The following TULP4 variants were observed in gnomAD, a reference collection of about 807,000 sequenced individuals.
The protein encoded by TULP4 is TUB like protein 4.
In TULP4, 16 loss-of-function variants were observed where a neutral mutation model predicts 129.0. The ratio of observed to expected loss-of-function variants is 0.12; its 90% CI spans 0.08 to 0.19. The LOEUF (loss-of-function observed/expected upper bound fraction) is 0.19, where lower values mean the gene tolerates loss of function less well. TULP4 is among the 10% of genes least tolerant of loss of function. The pLI is 1.00. For missense variants in TULP4, 1,842 were observed against 2,059.1 expected (o/e 0.89, Z 2.04); for synonymous variants, 998 against 854.0 (o/e 1.17, Z -2.94).
At position 158,511,301 on chromosome 6, in the gene TULP4, T is replaced by A. The variant is rs1780735470; in HGVS notation, c.*4607T>A. 1 of 152,686 alleles carries A rather than the reference T, an allele frequency of 6.5e-6. No individual in the cohort carries two copies. The highest frequency in any genetic ancestry group is 1.5e-5 in the Non-Finnish European group (1 of 68,048). The allele number at this position is 152,686 out of a possible 1,614,324, so 9.5% of individuals were successfully genotyped here. A position where few individuals can be genotyped will look rare whatever the true frequency, so the allele number is the denominator to read the frequency against. On this transcript the variant is annotated 3_prime_UTR_variant, in exon 14 of 14. Coordinates refer to ENST00000367097, the MANE Select transcript of TULP4 (RefSeq NM_020245.5). ...TGTATTATTTACCAAAGGGGTATTG[T>A]TTTTGCATTTGTTTATAAATGCATT...
chr6:158,470,255 G>A (rs1299882241), intron 6 of TULP4, among the ~76,000 whole-genome samples: 2 of 152,228 alleles, frequency 1.3e-5, no homozygotes, highest in African/African-American at 4.8e-5. Flanking sequence ...GCGGCAAACA[G>A]CAGTGGTGGA....
Position 158,509,719 on chromosome 6 carries a change from T to A in TULP4, c.*3025T>A, listed in dbSNP as rs1780691942. 6.6e-6 allele frequency: 1 copy of A among 152,142 alleles called. No homozygotes were observed. Among genetic ancestry groups the A allele is most frequent in the Non-Finnish European group, 1.5e-5 (1 of 68,036 alleles). 9.4% of individuals were successfully genotyped at this position (152,142 alleles called of 1,614,324 possible). ...GAGTTTGTATGAGTTTGTACCGGAG[T>A]GACCCCGGCAGCCACTGCCCACCTC... On this transcript the variant is annotated 3_prime_UTR_variant, in exon 14 of 14. Coordinates refer to ENST00000367097, the MANE Select transcript of TULP4 (RefSeq NM_020245.5).
rs1419158879 is a variant in TULP4 at position 158,379,336 on chromosome 6, T to C, written c.253-33729T>C. On this transcript the variant is annotated intron_variant, in intron 1 of 13. Coordinates refer to ENST00000367097, the MANE Select transcript of TULP4 (RefSeq NM_020245.5). ...TTCTCAAGGGATTGCCCCAACTCTC[T>C]TGAGGTAGGGCCAGTGAGGATTCCA... 2.6e-5 allele frequency among the ~76,000 whole-genome samples: 4 copies of C among 152,126 alleles called. No individual in the cohort carries two copies. In the East Asian group the frequency reaches 5.8e-4, roughly 22 times the overall value.
At position 158,313,052 on chromosome 6, in the gene TULP4, G is replaced by C. The variant is rs938926842; in HGVS notation, c.-965G>C. The C allele has an allele frequency of 6.3e-6, 1 of 157,974 alleles. No individual in the cohort carries two copies. The highest frequency in any genetic ancestry group is 2.4e-5 in the African/African-American group (1 of 41,704). 9.8% of individuals were successfully genotyped at this position (157,974 alleles called of 1,614,324 possible). On this transcript the variant is annotated 5_prime_UTR_variant, in exon 1 of 14. Transcript: ENST00000367097. ...GAAAAGGGGAGTGCTAACTGGGGGA[G>C]CGAGAAGGGAGACGAGCAAAAGAAA...
Position 158,238,233 on chromosome 6 carries a change from G to A in TULP4, n.68+5930G>A, listed in dbSNP as rs1777759573. On this transcript the variant is annotated intron_variant and non_coding_transcript_variant, in intron 1 of 1. Transcript: ENST00000620026. ...TTAATTTCAATTGCATTTTCTTGATGCTGATCTGAAAATTCCTGAAGCAGC... is the reference window on the plus strand; with the variant it reads ...TTAATTTCAATTGCATTTTCTTGATACTGATCTGAAAATTCCTGAAGCAGC... 38 of 952,656 alleles carry A rather than the reference G, an allele frequency of 4.0e-5. 3 individuals are homozygous for A. In the South Asian group the frequency reaches 4.6e-4, roughly 11 times the overall value. The allele number at this position is 952,656 out of a possible 1,614,324, so 59.0% of individuals were successfully genotyped here.
intron 1 of TULP4, among the ~76,000 whole-genome samples, chr6:158,323,043 G>T (rs549882917): frequency 3.4e-4 from 52 of 152,218 alleles, no homozygotes; most frequent in Non-Finnish European, 5.1e-4. Context: ...ATTTCTGAGA[G>T]AGATGAAGGA....
intron 8 of TULP4, 97 bp downstream of exon 8, chr6:158,481,386 A>G (rs1356880806): frequency 8.7e-6 from 10 of 1,147,100 alleles, no homozygotes; most frequent in Non-Finnish European, 1.3e-5. Context: ...TGCTAATGAA[A>G]CGTGAGCCTG....
intron 1 of TULP4, chr6:158,238,262 A>G (rs1294395926): frequency 3.5e-6 from 4 of 1,128,228 alleles, no homozygotes; most frequent in African/African-American, 1.6e-5. Flanking sequence ...AAGCAGCTCT[A>G]TTGCTTTTGT....
At chr6:158,421,235 G>C (rs181651661) in intron 2 of TULP4, among the ~76,000 whole-genome samples, 3 of 152,066 alleles carry the variant, frequency 2.0e-5, no homozygotes, top group Non-Finnish European at 2.9e-5. Context: ...GGTGGCACGC[G>C]CCTGTAGTCC....
At position 158,508,243 on chromosome 6, in the gene TULP4, G is replaced by A. The variant is rs1780648450; in HGVS notation, c.*1549G>A. Reference sequence around the variant, plus strand: ...CAGGCCCCTCTCCTGGGCCTGCTGTGCAGGAGCACAGGAACTATCTGCTGG... The same window carrying A: ...CAGGCCCCTCTCCTGGGCCTGCTGTACAGGAGCACAGGAACTATCTGCTGG... On this transcript the variant is annotated 3_prime_UTR_variant, in exon 14 of 14. Transcript: ENST00000367097. 1 of 152,172 alleles carries A rather than the reference G, an allele frequency of 6.6e-6. No individual in the cohort carries two copies. Among genetic ancestry groups the A allele is most frequent in the African/African-American group, 2.4e-5 (1 of 41,448 alleles). The allele number at this position is 152,172 out of a possible 1,614,324, so 9.4% of individuals were successfully genotyped here.
At position 158,260,857 on chromosome 6, in the gene TULP4, G is replaced by A. The variant is rs182174080; in HGVS notation, n.68+28554G>A. ...TTTTTGAGACAAGAGTTTCGCTCTTGTTGCCCAGGCTGGAGTGCAATGGCG... is the reference window on the plus strand; with the variant it reads ...TTTTTGAGACAAGAGTTTCGCTCTTATTGCCCAGGCTGGAGTGCAATGGCG... On this transcript the variant is annotated intron_variant and non_coding_transcript_variant, in intron 1 of 1. Coordinates refer to the TULP4 transcript ENST00000620026. 7.3e-4 allele frequency among the ~76,000 whole-genome samples: 110 copies of A among 150,504 alleles called. 1 individual carries two copies. Among genetic ancestry groups the A allele is most frequent in the African/African-American group, 2.6e-3 (108 of 40,864 alleles).
chr6:158,437,746 C>T (rs1194388414), intron 3 of TULP4: 1 of 152,040 alleles, frequency 6.6e-6, no homozygotes, highest in Non-Finnish European at 1.5e-5. Context: ...CAATTTAGAA[C>T]TCAAGGAGAT....
intron 3 of TULP4, among the ~76,000 whole-genome samples, chr6:158,430,999 CAA>C (rs1307616743): frequency 6.6e-6 from 1 of 151,882 alleles, no homozygotes; most frequent in Non-Finnish European, 1.5e-5. Flanking sequence ...AGTAAAAAGA[CAA>C]ATATTTTTTC....
chr6:158,308,959 CG>C (rs1779277296), upstream of TULP4, among the ~76,000 whole-genome samples: 1 of 138,368 alleles, frequency 7.2e-6, no homozygotes, highest in South Asian at 2.3e-4. Flanking sequence ...CCCTCCCGGA[CG>C]GGGCGGCTGG....
At chr6:158,415,683 A>G (rs1247489506) in intron 2 of TULP4, among the ~76,000 whole-genome samples, 1 of 151,976 alleles carries the variant, frequency 6.6e-6, no homozygotes, top group Admixed American at 6.6e-5. Flanking sequence ...AAAAAAAAAA[A>G]AAAAAGTTAG....
At chr6:158,409,749 CTAATT>C (rs929789066) in intron 1 of TULP4, among the ~76,000 whole-genome samples, 2 of 152,200 alleles carry the variant, frequency 1.3e-5, no homozygotes, top group African/African-American at 2.4e-5. Flanking sequence ...ATTTCTGTCT[CTAATT>C]TAAGGGTGTT....
chr6:158,406,904 A>AC (rs939198789), intron 1 of TULP4, among the ~76,000 whole-genome samples: 1 of 152,104 alleles, frequency 6.6e-6, no homozygotes, highest in Non-Finnish European at 1.5e-5. Context: ...CTAGAAGGTC[A>AC]CCCCCCAGCA....
intron 1 of TULP4, among the ~76,000 whole-genome samples, chr6:158,357,988 A>G (rs1385882580): frequency 1.3e-5 from 2 of 152,134 alleles, no homozygotes; most frequent in South Asian, 2.1e-4. Context: ...TGAGCAAAGG[A>G]TTGTGGTTGT....
intron 1 of TULP4, chr6:158,238,384 G>C: frequency 1.6e-6 from 1 of 639,968 alleles, no homozygotes; most frequent in Non-Finnish European, 2.8e-6. Flanking sequence ...GGCCTGGTTT[G>C]TGTACATAGC....
Sources: allele counts gnomAD v4.1 joint callset (sites outside exome capture counted in the v4.1 genomes callset), GRCh38; gene constraint gnomAD v4.1.1; transcripts MANE v1.5; gene names NCBI Gene and HGNC (gene_info 2026-07-23, HGNC 2026-07-21).